RABGAP1L: variants seen among roughly 807,000 people sequenced by gnomAD.
RABGAP1L encodes the protein rab GTPase-activating protein 1-like.
RABGAP1L carries 63 observed loss-of-function variants against 137.7 expected under a neutral mutation model. The ratio of observed to expected loss-of-function variants is 0.46; its 90% CI spans 0.37 to 0.56. RABGAP1L has a LOEUF of 0.56. Among genes scored for constraint, RABGAP1L ranks in the 20% least tolerant of loss-of-function variants. RABGAP1L has a pLI of 0.00. For synonymous variants in RABGAP1L, 431 were observed against 433.7 expected (o/e 0.99, Z 0.08); for missense variants, 1,095 against 1,244.0 (o/e 0.88, Z 1.80).
At chr1:174,615,460 C>T (rs1239301081) in intron 13 of RABGAP1L, among the ~76,000 whole-genome samples, 1 of 152,174 alleles carries the variant, frequency 6.6e-6, no homozygotes, top group African/African-American at 2.4e-5. Flanking sequence ...GAGTACCCTG[C>T]CATGTCAGGT....
At chr1:174,768,535 A>G (rs1299877495) in intron 18 of RABGAP1L, among the ~76,000 whole-genome samples, 1 of 152,190 alleles carries the variant, frequency 6.6e-6, no homozygotes, top group East Asian at 1.9e-4. Flanking sequence ...CATGCACACA[A>G]CTTCAGTAAA....
chr1:174,864,003 A>G (rs2149031228), intron 19 of RABGAP1L, among the ~76,000 whole-genome samples: 1 of 152,306 alleles, frequency 6.6e-6, no homozygotes, highest in Admixed American at 6.5e-5. Context: ...TTTCTAATTC[A>G]CTGGATACAG....
intron 12 of RABGAP1L, among the ~76,000 whole-genome samples, chr1:174,378,095 T>C (rs1271617022): frequency 2.9e-4 from 43 of 146,578 alleles, no homozygotes; most frequent in African/African-American, 1.0e-3. Context: ...TTCATCCATG[T>C]CCCTACAAAG....
intron 14 of RABGAP1L, among the ~76,000 whole-genome samples, chr1:174,682,271 A>ACTCTCTCTCTCT (rs148219630): frequency 7.1e-6 from 1 of 140,690 alleles, no homozygotes; most frequent in Non-Finnish European, 1.5e-5. Flanking sequence ...ACAAAGCAAA[A>ACTCTCTCTCTCT]CTCTCTCTCT....
chr1:174,650,513 C>A (rs1233534484), intron 14 of RABGAP1L, among the ~76,000 whole-genome samples: 2 of 152,090 alleles, frequency 1.3e-5, no homozygotes, highest in African/African-American at 4.8e-5. Flanking sequence ...AATTTCAGAG[C>A]CTGTTATTGG....
At chr1:174,537,787 A>C (rs1375868543) in intron 13 of RABGAP1L, among the ~76,000 whole-genome samples, 2 of 152,230 alleles carry the variant, frequency 1.3e-5, no homozygotes, top group Admixed American at 6.5e-5. Context: ...CTTTTAAAGA[A>C]CACAAAAAAG....
intron 19 of RABGAP1L, among the ~76,000 whole-genome samples, chr1:174,843,625 CAT>C: frequency 1.1e-5 from 1 of 92,050 alleles, no homozygotes; most frequent in Non-Finnish European, 2.1e-5. Context: ...TCCAGTCTAT[CAT>C]TGTTGGACAT....
intron 1 of RABGAP1L, among the ~76,000 whole-genome samples, chr1:174,215,476 T>A (rs1376687927): frequency 1.9e-3 from 176 of 91,982 alleles, no homozygotes; most frequent in South Asian, 6.4e-3. Context: ...AAAATAATAA[T>A]AATAAAATAA....
chr1:174,851,130 C>T (rs1012396065), intron 19 of RABGAP1L, among the ~76,000 whole-genome samples: 2 of 152,188 alleles, frequency 1.3e-5, no homozygotes, highest in African/African-American at 4.8e-5. Flanking sequence ...ACTTGGGACT[C>T]CTGACCTATG....
chr1:174,232,115 A>C (rs921875802), intron 4 of RABGAP1L, among the ~76,000 whole-genome samples: 3 of 152,208 alleles, frequency 2.0e-5, no homozygotes, highest in Admixed American at 6.5e-5. Flanking sequence ...CATAGATTTT[A>C]AGTTATTTAC....
intron 13 of RABGAP1L, among the ~76,000 whole-genome samples, chr1:174,395,852 A>AAAAAAG (rs968219604): frequency 6.6e-6 from 1 of 151,644 alleles, no homozygotes; most frequent in African/African-American, 2.4e-5. Flanking sequence ...AAAAAAAAAA[A>AAAAAAG]AAAGAAAGAA....
chr1:174,925,472 A>G (rs1418677184), intron 19 of RABGAP1L, among the ~76,000 whole-genome samples: 1 of 151,874 alleles, frequency 6.6e-6, no homozygotes, highest in Non-Finnish European at 1.5e-5. Flanking sequence ...AGGCTAGAGC[A>G]TGATGAGATA....
At chr1:174,586,969 A>T (rs549203828) in intron 13 of RABGAP1L, among the ~76,000 whole-genome samples, 13 of 151,754 alleles carry the variant, frequency 8.6e-5, no homozygotes, top group African/African-American at 3.1e-4. Context: ...TCATTGTTCA[A>T]TTCCCACCTA....
intron 10 of RABGAP1L, among the ~76,000 whole-genome samples, chr1:174,294,228 C>A (rs1188275565): frequency 6.6e-6 from 1 of 152,162 alleles, no homozygotes; most frequent in Non-Finnish European, 1.5e-5. Flanking sequence ...TGTTTGTCTT[C>A]TATCTAGTCT....
intron 4 of RABGAP1L, among the ~76,000 whole-genome samples, chr1:174,236,523 T>C (rs1422334445): frequency 1.3e-3 from 196 of 150,782 alleles, no homozygotes; most frequent in African/African-American, 4.5e-3. Flanking sequence ...CATTTCGTTA[T>C]GTACCCAGTA....
chr1:174,231,828 A>G (rs1670685136), intron 4 of RABGAP1L, among the ~76,000 whole-genome samples: 1 of 152,128 alleles, frequency 6.6e-6, no homozygotes, highest in Non-Finnish European at 1.5e-5. Context: ...TCATGAGAAC[A>G]GCACCGAGGG....
In RABGAP1L at chr1:174,370,992, A is replaced by G. The variant is rs1274004837; in HGVS notation, c.1479A>G (p.Glu493=). 6.7e-7 allele frequency: 1 copy of G among 1,482,782 alleles called. No homozygotes were observed. Among genetic ancestry groups the G allele is most frequent in the Non-Finnish European group, 9.1e-7 (1 of 1,094,946 alleles). 91.9% of individuals were successfully genotyped at this position (1,482,782 alleles called of 1,614,324 possible). Residue 493 remains glutamate, a synonymous_variant, in exon 12 of 26, where the codon GAA becomes GAG. Transcript: ENST00000681986. ...DDEAEEESDN[E]LSSGTGDVSK... ...TTTCTTCTGCAGAGAGTGATAATGA[A>G]CTCTCAAGTGGAACAGGTGATGTGT...
At chr1:174,170,663 C>T (rs529902921) in intron 1 of RABGAP1L, among the ~76,000 whole-genome samples, 7 of 127,056 alleles carry the variant, frequency 5.5e-5, no homozygotes, top group South Asian at 2.5e-4. Flanking sequence ...CAGAGTGAGA[C>T]GCTGTTTCAA....
intron 15 of RABGAP1L, among the ~76,000 whole-genome samples, chr1:174,690,829 C>CTTTTT (rs572724291): frequency 4.3e-5 from 5 of 116,934 alleles, no homozygotes; most frequent in East Asian, 2.5e-4. Flanking sequence ...CAGCATTCAT[C>CTTTTT]TTTTTTTTTT....
Sources: allele counts gnomAD v4.1 joint callset (sites outside exome capture counted in the v4.1 genomes callset), GRCh38; gene constraint gnomAD v4.1.1; transcripts MANE v1.5; gene names NCBI Gene and HGNC (gene_info 2026-07-23, HGNC 2026-07-21).